Variants in LHPP observed in about 807,000 individuals in gnomAD.
LHPP encodes hLHPP.
A neutral mutation model predicts 30.3 loss-of-function variants in LHPP; 24 were observed. The ratio of observed to expected loss-of-function variants is 0.79; its 90% CI spans 0.57 to 1.11. LHPP has a LOEUF of 1.11. LHPP is among the 50% of genes most tolerant of loss of function. The pLI is 0.00. For synonymous variants in LHPP, 150 were observed against 157.1 expected, an observed-to-expected ratio of 0.95 and a Z score of 0.34; for missense variants, 356 against 367.2, an observed-to-expected ratio of 0.97 and a Z score of 0.25.
intron 1 of LHPP, among the ~76,000 whole-genome samples, chr10:124,462,197 C>G (rs1205924323): frequency 2.0e-5 from 3 of 152,212 alleles, no homozygotes; most frequent in African/African-American, 7.2e-5. Context: ...CTGGTTAGGG[C>G]TGCGCGGTCA....
intron 6 of LHPP, among the ~76,000 whole-genome samples, chr10:124,611,557 G>A (rs1589721425): frequency 6.6e-6 from 1 of 151,370 alleles, no homozygotes; most frequent in African/African-American, 2.4e-5. Flanking sequence ...ACCTGGACAA[G>A]AGCCAAAAGG....
chr10:124,568,080 A>T (rs1193258993), intron 6 of LHPP, among the ~76,000 whole-genome samples: 1 of 151,724 alleles, frequency 6.6e-6, no homozygotes, highest in African/African-American at 2.4e-5. Context: ...CGCCCGGCTA[A>T]TTTTTTGTAT....
intron 6 of LHPP, among the ~76,000 whole-genome samples, chr10:124,578,190 G>T (rs1361737168): frequency 1.3e-5 from 2 of 152,222 alleles, no homozygotes; most frequent in South Asian, 4.1e-4. Flanking sequence ...TTCACAGGTT[G>T]CTCCCTGCTG....
intron 6 of LHPP, among the ~76,000 whole-genome samples, chr10:124,569,385 A>G (rs527881511): frequency 4.1e-4 from 62 of 152,274 alleles, no homozygotes; most frequent in African/African-American, 1.4e-3. Context: ...GGGACAGCCT[A>G]CAGAGCTGCT....
At chr10:124,595,380 A>G (rs924045574) in intron 6 of LHPP, among the ~76,000 whole-genome samples, 4 of 152,210 alleles carry the variant, frequency 2.6e-5, no homozygotes, top group African/African-American at 9.6e-5. Context: ...GTTTGCATCC[A>G]TTGGAGATGG....
rs140076259 is a variant in LHPP, at chr10:124,579,402, G to A, written c.717-33862G>A. 6.5e-3 allele frequency among the ~76,000 whole-genome samples: 987 copies of A among 152,356 alleles called. 8 individuals are homozygous for A. Among genetic ancestry groups the A allele is most frequent in the Non-Finnish European group, 8.8e-3 (596 of 68,036 alleles). On this transcript the variant is annotated intron_variant, in intron 6 of 6. Transcript: ENST00000368842. Reference sequence around the variant, plus strand: ...CACCTATTCATTCTGAGGCCTGGCCGGCCTCTGGAAATCAGCATTTCAGTG... The same window carrying A: ...CACCTATTCATTCTGAGGCCTGGCCAGCCTCTGGAAATCAGCATTTCAGTG...
At chr10:124,486,414 T>C (rs1953328530) in intron 2 of LHPP, among the ~76,000 whole-genome samples, 1 of 152,218 alleles carries the variant, frequency 6.6e-6, no homozygotes, top group Admixed American at 6.5e-5. Flanking sequence ...GAATGATTCA[T>C]TAGCAGGACT....
intron 6 of LHPP, chr10:124,612,920 G>A: frequency 3.1e-6 from 1 of 318,506 alleles, no homozygotes; most frequent in South Asian, 3.9e-5. Flanking sequence ...GGAGCCCAGA[G>A]CAGGGTACAC....
chr10:124,574,333 G>A (rs559093459), intron 6 of LHPP, among the ~76,000 whole-genome samples: 5 of 152,300 alleles, frequency 3.3e-5, no homozygotes, highest in South Asian at 2.1e-4. Context: ...GCCCCCCTGC[G>A]AGGGCGCGCA....
intron 6 of LHPP, among the ~76,000 whole-genome samples, chr10:124,531,348 C>T (rs1207122131): frequency 6.6e-6 from 1 of 152,212 alleles, no homozygotes; most frequent in African/African-American, 2.4e-5. Context: ...AATTACCTGG[C>T]ACTCCCTGGA....
At chr10:124,585,760 G>A (rs1358332103) in intron 6 of LHPP, among the ~76,000 whole-genome samples, 1 of 152,046 alleles carries the variant, frequency 6.6e-6, no homozygotes, top group African/African-American at 2.4e-5. Context: ...GGGACCATAG[G>A]AGTATGTCAC....
intron 1 of LHPP, among the ~76,000 whole-genome samples, chr10:124,482,704 G>C (rs1953179656): frequency 6.6e-6 from 1 of 151,854 alleles, no homozygotes; most frequent in Admixed American, 6.6e-5. Flanking sequence ...AGGTCCTCCA[G>C]CCTCCTCTCC....
rs765520732 is a variant in LHPP at position 124,488,520 on chromosome 10, GC to G, written c.414del (p.Phe139SerfsTer27). The G allele has an allele frequency of 6.2e-7, 1 of 1,613,854 alleles. No individual in the cohort carries two copies. The highest frequency in any genetic ancestry group is 8.5e-7 in the Non-Finnish European group (1 of 1,179,964). ...CTTTTCTTATCAAAACATGAATAAC[GC>G]CTTCCAGGTGCTCATGGAGCTGGAA... ...ESFSYQNMNN[A>X]FQVLMELEKP... On this transcript the variant is annotated frameshift_variant, in exon 3 of 7. Coordinates refer to ENST00000368842, the MANE Select transcript of LHPP (RefSeq NM_022126.4). LOFTEE classifies it high-confidence loss of function.
intron 6 of LHPP, chr10:124,612,962 G>T: frequency 2.2e-6 from 1 of 461,176 alleles, no homozygotes; most frequent in Non-Finnish European, 4.0e-6. Context: ...TGAGATGTCT[G>T]TGCTGGAGGC....
At chr10:124,504,881 G>A (rs750062139) in intron 5 of LHPP, among the ~76,000 whole-genome samples, 1 of 152,106 alleles carries the variant, frequency 6.6e-6, no homozygotes, top group Admixed American at 6.5e-5. Flanking sequence ...TGTCGTTTTC[G>A]GATGCTGGGG....
intron 5 of LHPP, among the ~76,000 whole-genome samples, chr10:124,507,857 GAGGATTTCAGGTGGGGGGGTAGGC>G (rs1206991342): frequency 4.9e-4 from 40 of 82,472 alleles, no homozygotes; most frequent in African/African-American, 1.5e-3. Flanking sequence ...GGGGGGTAGG[GAGGATTTCAGGTGGGGGGGTAGGC>G]AGGATTTCAG....
At chr10:124,516,784 C>T (rs887217933) in intron 5 of LHPP, among the ~76,000 whole-genome samples, 9 of 152,182 alleles carry the variant, frequency 5.9e-5, no homozygotes, top group Middle Eastern at 3.4e-3. Flanking sequence ...AAAGATTTGC[C>T]AGAGATTTGC....
intron 6 of LHPP, among the ~76,000 whole-genome samples, chr10:124,598,172 A>G (rs1475614325): frequency 6.6e-6 from 1 of 152,216 alleles, no homozygotes; most frequent in African/African-American, 2.4e-5. Flanking sequence ...GCAGCCCCTC[A>G]CCAGGTCCCC....
chr10:124,571,416 G>A (rs1948582983), intron 6 of LHPP, among the ~76,000 whole-genome samples: 1 of 152,178 alleles, frequency 6.6e-6, no homozygotes, highest in South Asian at 2.1e-4. Context: ...GAATATGTAA[G>A]GAAGAAAGTA....
Sources: allele counts gnomAD v4.1 joint callset (sites outside exome capture counted in the v4.1 genomes callset), GRCh38; gene constraint gnomAD v4.1.1; transcripts MANE v1.5; gene names NCBI Gene and HGNC (gene_info 2026-07-23, HGNC 2026-07-21).